The following KLRG1 variants were observed in gnomAD, a reference collection of about 807,000 sequenced individuals.
The protein encoded by KLRG1 is killer cell lectin-like receptor subfamily G member 1.
In KLRG1, 16 loss-of-function variants were observed where a neutral mutation model predicts 21.8. That is an observed-to-expected ratio of 0.73 (90% confidence interval 0.50 to 1.11). The LOEUF is 1.11. Among genes scored for constraint, KLRG1 ranks in the 50% most tolerant of loss-of-function variants. The pLI is 0.00. For synonymous variants in KLRG1, 69 were observed against 75.9 expected (o/e 0.91, Z 0.47); for missense variants, 173 against 218.3 (o/e 0.79, Z 1.31).
the KLRG1 span, chr12:9,203,777 G>A: frequency 1.2e-6 from 2 of 1,614,126 alleles, no homozygotes; most frequent in South Asian, 1.1e-5. Context: ...CAGTGAAGGA[G>A]ACACAGTGGA....
the KLRG1 span, chr12:9,196,301 GC>G: frequency 6.7e-7 from 1 of 1,490,598 alleles, no homozygotes; most frequent in Non-Finnish European, 9.4e-7. Flanking sequence ...TGGATACTTT[GC>G]TTACCTGTGC....
chr12:9,004,863 C>A (rs1437357794), intron 3 of KLRG1, among the ~76,000 whole-genome samples: 1 of 152,026 alleles, frequency 6.6e-6, no homozygotes, highest in Non-Finnish European at 1.5e-5. Flanking sequence ...ATAATGTTTA[C>A]ATTTTATTTA....
the KLRG1 span, among the ~76,000 whole-genome samples, chr12:9,123,191 T>C: frequency 6.6e-6 from 1 of 152,198 alleles, no homozygotes; most frequent in South Asian, 2.1e-4. Context: ...CCGAGGGGCA[T>C]ATGTTCCAAG....
the KLRG1 span, among the ~76,000 whole-genome samples, chr12:9,155,500 T>C: frequency 6.6e-6 from 1 of 152,136 alleles, no homozygotes; most frequent in Non-Finnish European, 1.5e-5. Context: ...TTATTGTTGT[T>C]GTTGTTGTTG....
At chr12:9,113,492 C>T in the KLRG1 span, 1 of 1,613,924 alleles carries the variant, frequency 6.2e-7, no homozygotes, top group South Asian at 1.1e-5. Context: ...GGACACAGCC[C>T]TTCTCAGTGG....
At chr12:9,187,722 A>C in the KLRG1 span, among the ~76,000 whole-genome samples, 1 of 152,250 alleles carries the variant, frequency 6.6e-6, no homozygotes, top group African/African-American at 2.4e-5. Context: ...ATCCACATCG[A>C]AAAGTTAGAA....
At chr12:9,039,372 G>T in the KLRG1 span, among the ~76,000 whole-genome samples, 1 of 152,190 alleles carries the variant, frequency 6.6e-6, no homozygotes, top group Non-Finnish European at 1.5e-5. Flanking sequence ...TGATTAAAAA[G>T]TATTTTTCTC....
the KLRG1 span, chr12:9,157,631 C>T: frequency 2.4e-6 from 2 of 818,634 alleles, no homozygotes; most frequent in Admixed American, 5.0e-5. Flanking sequence ...ATGCATCAAC[C>T]AAAGAGCTTA....
At chr12:9,097,183 T>C in the KLRG1 span, among the ~76,000 whole-genome samples, 1 of 152,220 alleles carries the variant, frequency 6.6e-6, no homozygotes, top group African/African-American at 2.4e-5. Flanking sequence ...ACATATCCTC[T>C]TGAGATCCTA....
At chr12:8,973,377 G>C (rs1184732241) in intron 1 of KLRG1, among the ~76,000 whole-genome samples, 1 of 152,034 alleles carries the variant, frequency 6.6e-6, no homozygotes, top group Non-Finnish European at 1.5e-5. Flanking sequence ...TGAGGGCTTT[G>C]CCCTCATGAA....
the KLRG1 span, among the ~76,000 whole-genome samples, chr12:9,126,688 T>C: frequency 1.8e-4 from 28 of 152,292 alleles, no homozygotes; most frequent in African/African-American, 6.5e-4. Context: ...GTATGGGTGC[T>C]CCCTCCCTGT....
At chr12:9,014,232 G>A (rs1047508886), downstream of KLRG1, among the ~76,000 whole-genome samples, 1 of 152,136 alleles carries the variant, frequency 6.6e-6, no homozygotes, top group Non-Finnish European at 1.5e-5. Flanking sequence ...TCCAAACCTA[G>A]AGAAGAATAT....
the KLRG1 span, chr12:9,052,815 T>C: frequency 2.2e-6 from 1 of 455,120 alleles, no homozygotes; most frequent in African/African-American, 2.0e-5. Context: ...TACATCATAA[T>C]GTGATTGTGA....
chr12:8,967,710 C>G (rs1260584672), intron 1 of KLRG1, among the ~76,000 whole-genome samples: 1 of 152,048 alleles, frequency 6.6e-6, no homozygotes, highest in Non-Finnish European at 1.5e-5. Flanking sequence ...GCCTGGCCAA[C>G]AGAGCTGGAC....
At chr12:9,142,755 TCCAGGG>T in the KLRG1 span, among the ~76,000 whole-genome samples, 38 of 152,288 alleles carry the variant, frequency 2.5e-4, no homozygotes, top group Middle Eastern at 3.4e-3. Context: ...GAAAATAATT[TCCAGGG>T]CCTAATAAAC....
chr12:8,976,039 G>T (rs1592249887), intron 1 of KLRG1, among the ~76,000 whole-genome samples: 1 of 151,228 alleles, frequency 6.6e-6, no homozygotes, highest in African/African-American at 2.4e-5. Flanking sequence ...TCTTTTTCTA[G>T]TTTTTTGAGG....
chr12:8,986,285 T>G (rs1290369403), upstream of KLRG1, among the ~76,000 whole-genome samples: 1 of 152,222 alleles, frequency 6.6e-6, no homozygotes, highest in Non-Finnish European at 1.5e-5. Context: ...ATAGTTACTA[T>G]TTCCTTTTAT....
At chr12:8,962,689 C>T (rs1300885585) in intron 1 of KLRG1, among the ~76,000 whole-genome samples, 1 of 149,614 alleles carries the variant, frequency 6.7e-6, no homozygotes, top group African/African-American at 2.5e-5. Flanking sequence ...GCACTCCAGC[C>T]TGGGTGACAG....
At chr12:9,054,009 AG>A in the KLRG1 span, among the ~76,000 whole-genome samples, 1 of 152,276 alleles carries the variant, frequency 6.6e-6, no homozygotes, top group East Asian at 1.9e-4. Flanking sequence ...AGAACTCTTC[AG>A]GGAGGTGAAT....
Sources: allele counts gnomAD v4.1 joint callset (sites outside exome capture counted in the v4.1 genomes callset), GRCh38; gene constraint gnomAD v4.1.1; transcripts MANE v1.5; gene names NCBI Gene and HGNC (gene_info 2026-07-23, HGNC 2026-07-21).